Variants in SORCS2 observed in about 807,000 individuals in gnomAD.
SORCS2 encodes sortilin related VPS10 domain containing receptor 2, also known as VPS10 domain-containing receptor SorCS2.
Under a neutral mutation model 141.6 loss-of-function variants are expected in SORCS2, and 100 were observed. That is an observed-to-expected ratio of 0.71 (90% CI 0.60 to 0.83). SORCS2 has a LOEUF of 0.83. Among genes scored for constraint, SORCS2 ranks in the 40% least tolerant of loss-of-function variants. The probability of loss-of-function intolerance (pLI) is 0.00; values close to 1 mark genes in which losing one functional copy is unlikely to be tolerated. For synonymous variants in SORCS2, 789 were observed against 676.9 expected (o/e 1.17, Z -2.57); for missense variants, 1,646 against 1,560.2 (o/e 1.05, Z -0.93).
At chr4:7,630,325 C>T (rs1196890480) in intron 3 of SORCS2, among the ~76,000 whole-genome samples, 1 of 152,198 alleles carries the variant, frequency 6.6e-6, no homozygotes, top group African/African-American at 2.4e-5. Context: ...CTGCAGACCA[C>T]CTGCGATTTC....
At chr4:7,566,031 ATGATAG>A (rs1714976447) in intron 3 of SORCS2, among the ~76,000 whole-genome samples, 1 of 48,300 alleles carries the variant, frequency 2.1e-5, no homozygotes, top group South Asian at 8.7e-4. Context: ...GATGGTGATA[ATGATAG>A]TGATGATGGC....
chr4:7,580,846 A>T (rs1172063481), intron 3 of SORCS2, among the ~76,000 whole-genome samples: 1 of 152,162 alleles, frequency 6.6e-6, no homozygotes, highest in Non-Finnish European at 1.5e-5. Context: ...GGGGGTGAAA[A>T]TCAATGGAGG....
chr4:7,712,618 A>C, intron 14 of SORCS2, 115 bp from the exon 15 acceptor site: 8 of 1,435,448 alleles, frequency 5.6e-6, no homozygotes, highest in Non-Finnish European at 6.7e-6. Flanking sequence ...CAGGAGAAGG[A>C]TATCTGTGCC....
intron 1 of SORCS2, among the ~76,000 whole-genome samples, chr4:7,391,642 A>T (rs911101879): frequency 7.9e-5 from 12 of 152,194 alleles, no homozygotes; most frequent in Non-Finnish European, 1.6e-4. Context: ...CTTCCCTGGA[A>T]TAAAGCGAGA....
chr4:7,343,406 A>G (rs1720473828), intron 1 of SORCS2, among the ~76,000 whole-genome samples: 2 of 152,188 alleles, frequency 1.3e-5, no homozygotes, highest in Admixed American at 6.5e-5. Flanking sequence ...GCTTCTTCAC[A>G]TGTAAGGTCG....
chr4:7,207,007 GCTCA>G (rs1727780586), intron 1 of SORCS2, among the ~76,000 whole-genome samples: 1 of 152,038 alleles, frequency 6.6e-6, no homozygotes, highest in African/African-American at 2.4e-5. Flanking sequence ...CCACCTGCTC[GCTCA>G]CTCATCCATC....
chr4:7,540,806 G>A (rs1019830449), intron 3 of SORCS2, among the ~76,000 whole-genome samples: 2 of 152,218 alleles, frequency 1.3e-5, no homozygotes, highest in Non-Finnish European at 2.9e-5. Flanking sequence ...GGTGTGAAGT[G>A]GGGATGAACA....
intron 3 of SORCS2, among the ~76,000 whole-genome samples, chr4:7,574,190 G>T (rs78490319): frequency 2.0e-5 from 3 of 152,240 alleles, no homozygotes; most frequent in African/African-American, 7.2e-5. Flanking sequence ...GTTGGGTCCC[G>T]TGCGCCTTTG....
intron 1 of SORCS2, among the ~76,000 whole-genome samples, chr4:7,368,415 T>C (rs1722035718): frequency 6.6e-6 from 1 of 152,188 alleles, no homozygotes; most frequent in Non-Finnish European, 1.5e-5. Context: ...CAGGTGCACA[T>C]CTTCCACCTT....
At chr4:7,599,656 C>T (rs553350382) in intron 3 of SORCS2, among the ~76,000 whole-genome samples, 8 of 152,246 alleles carry the variant, frequency 5.3e-5, no homozygotes, top group African/African-American at 1.9e-4. Flanking sequence ...GATTCTGGCA[C>T]AGCGGGGGCA....
intron 2 of SORCS2, chr4:7,433,396 G>T: frequency 6.7e-7 from 1 of 1,500,696 alleles, no homozygotes. Flanking sequence ...CAGCTTGGCG[G>T]CCTCCTGGCT....
intron 1 of SORCS2, among the ~76,000 whole-genome samples, chr4:7,289,839 C>T (rs1248584128): frequency 6.6e-6 from 1 of 152,196 alleles, no homozygotes; most frequent in African/African-American, 2.4e-5. Context: ...CCCTTCCTCC[C>T]GAGACGCTGC....
At chr4:7,423,661 A>G (rs1469344495) in intron 2 of SORCS2, among the ~76,000 whole-genome samples, 2 of 152,094 alleles carry the variant, frequency 1.3e-5, no homozygotes, top group Non-Finnish European at 2.9e-5. Context: ...CGTGCCCAGG[A>G]CCAGCCCTAC....
At chr4:7,667,306 GGT>G in intron 8 of SORCS2, 93 bp downstream of exon 8, 1 of 1,173,286 alleles carries the variant, frequency 8.5e-7, no homozygotes, top group South Asian at 1.3e-5. Flanking sequence ...GGTGCTTGGC[GGT>G]CCCAGGTCAG....
chr4:7,546,079 C>G (rs1713240025), intron 3 of SORCS2, among the ~76,000 whole-genome samples: 1 of 151,954 alleles, frequency 6.6e-6, no homozygotes, highest in African/African-American at 2.4e-5. Context: ...CTAATTCCTC[C>G]CAAAGGTCCT....
chr4:7,607,753 G>A (rs926962265), intron 3 of SORCS2, among the ~76,000 whole-genome samples: 2 of 152,174 alleles, frequency 1.3e-5, no homozygotes, highest in Admixed American at 1.3e-4. Flanking sequence ...TCCCATGCTT[G>A]TTGATGAGGG....
intron 1 of SORCS2, among the ~76,000 whole-genome samples, chr4:7,334,145 C>T (rs1202993033): frequency 6.6e-6 from 1 of 152,110 alleles, no homozygotes; most frequent in Non-Finnish European, 1.5e-5. Flanking sequence ...ACAAGTGAAA[C>T]GTCCAGGGTG....
Position 7,233,077 on chromosome 4 carries a change from C to T in SORCS2, c.480+39951C>T, listed in dbSNP as rs369293429. Among the ~76,000 whole-genome samples the T allele has an allele frequency of 3.3e-4, 50 of 152,242 alleles. 1 individual carries two copies. The highest frequency in any genetic ancestry group is 1.0e-3 in the African/African-American group (42 of 41,534). On this transcript the variant is annotated intron_variant, in intron 1 of 26. Transcript: ENST00000507866. This position sits in a 1 kb window ranked among gnomAD's most constrained non-coding sequence, Gnocchi z 4.5. ...TCAGCTGAGCCCAGGAGTCAGGCTTCGGCACCCGCATGTTCAACTACTGCC... is the reference window on the plus strand; with the variant it reads ...TCAGCTGAGCCCAGGAGTCAGGCTTTGGCACCCGCATGTTCAACTACTGCC...
chr4:7,714,275 C>A lies in SORCS2; in HGVS notation c.2025C>A (p.Phe675Leu). 6.2e-7 allele frequency: 1 copy of A among 1,610,596 alleles called. No homozygotes were observed. The highest frequency in any genetic ancestry group is 8.5e-7 in the Non-Finnish European group (1 of 1,178,632). The change falls in exon 16 of 27, where the codon TTC becomes TTA. Residue 675 changes from phenylalanine (F) to leucine (L), a missense_variant. Transcript: ENST00000507866. Reference sequence around the variant, plus strand: ...GTATCATGGGCCAGCAGAGAAGTTTCCGGAAAAGAAAGTCCACGTCCTGGT... The same window carrying A: ...GTATCATGGGCCAGCAGAGAAGTTTACGGAAAAGAAAGTCCACGTCCTGGT... ...DRCIMGQQRS[F>L]RKRKSTSWCI...
Sources: allele counts gnomAD v4.1 joint callset (sites outside exome capture counted in the v4.1 genomes callset), GRCh38; gene constraint gnomAD v4.1.1; non-coding constraint Gnocchi (gnomAD v3.1); transcripts MANE v1.5; gene names NCBI Gene and HGNC (gene_info 2026-07-23, HGNC 2026-07-21).